Variants in SLC35F4 observed in about 807,000 individuals in gnomAD.
The protein encoded by SLC35F4 is chromosome 14 open reading frame 36.
SLC35F4 carries 24 observed loss-of-function variants against 44.2 expected under a neutral mutation model. That is an observed-to-expected ratio of 0.54 (90% CI 0.39 to 0.76). SLC35F4 has a LOEUF of 0.76. SLC35F4 is among the 30% of genes least tolerant of loss of function. The probability of loss-of-function intolerance (pLI) is 0.00; values close to 1 mark genes in which losing one functional copy is unlikely to be tolerated. For missense variants in SLC35F4, 562 were observed against 586.1 expected (o/e 0.96, Z 0.42); for synonymous variants, 238 against 223.6 (o/e 1.06, Z -0.57).
rs114880604 is a variant in SLC35F4 at position 57,771,695 on chromosome 14, G to A, written c.103+94028C>T. ...TGCAATCTCTGCCTTCTGGGCTTGA[G>A]TGATCCTCCCATCTTAGCCTCCTGA... On this transcript the variant is annotated intron_variant, in intron 1 of 7. Transcript: ENST00000556826. Among the ~76,000 whole-genome samples, 898 of 152,310 alleles carry A rather than the reference G, an allele frequency of 5.9e-3. 6 individuals carry two copies. The highest frequency in any genetic ancestry group is 0.02 in the African/African-American group (845 of 41,560).
At chr14:57,822,280 G>T (rs1883250909) in intron 1 of SLC35F4, among the ~76,000 whole-genome samples, 1 of 152,094 alleles carries the variant, frequency 6.6e-6, no homozygotes, top group African/African-American at 2.4e-5. Flanking sequence ...TGTGTTTCTT[G>T]GCACCTTTCC....
At chr14:57,835,688 T>A (rs1456284104) in intron 1 of SLC35F4, among the ~76,000 whole-genome samples, 1 of 152,210 alleles carries the variant, frequency 6.6e-6, no homozygotes, top group Admixed American at 6.5e-5. Flanking sequence ...TTTGGAGTCC[T>A]GGAGGACAGG....
intron 1 of SLC35F4, among the ~76,000 whole-genome samples, chr14:57,830,534 A>C (rs1453489939): frequency 6.6e-6 from 1 of 152,170 alleles, no homozygotes; most frequent in Non-Finnish European, 1.5e-5. Flanking sequence ...GAAAACCTGA[A>C]GTCTAGCATG....
chr14:57,735,848 A>G (rs1014636796), intron 1 of SLC35F4, among the ~76,000 whole-genome samples: 4 of 152,002 alleles, frequency 2.6e-5, no homozygotes, highest in Non-Finnish European at 4.4e-5. Flanking sequence ...CGGCCTCCCA[A>G]GTAGCTGAGA....
At chr14:57,723,224 C>T (rs1313423984) in intron 1 of SLC35F4, among the ~76,000 whole-genome samples, 1 of 131,228 alleles carries the variant, frequency 7.6e-6, no homozygotes, top group Non-Finnish European at 1.7e-5. Context: ...TTCCCCAGTG[C>T]CAGAATGCAT....
intron 1 of SLC35F4, among the ~76,000 whole-genome samples, chr14:57,620,288 G>A (rs890820000): frequency 2.0e-5 from 3 of 152,182 alleles, no homozygotes; most frequent in African/African-American, 4.8e-5. Context: ...GGCAGCCAGA[G>A]AGAAAGGTCG....
chr14:57,642,299 GA>G (rs113210979), intron 1 of SLC35F4, among the ~76,000 whole-genome samples: 3 of 147,936 alleles, frequency 2.0e-5, no homozygotes, highest in South Asian at 2.1e-4. Context: ...GAGCTAGTGA[GA>G]AAAAAAAAAT....
At chr14:57,893,100 T>C (rs1265293197) in intron 1 of SLC35F4, among the ~76,000 whole-genome samples, 2 of 152,160 alleles carry the variant, frequency 1.3e-5, no homozygotes, top group African/African-American at 2.4e-5. Context: ...CTTAGATCCC[T>C]GCCACCTGCT....
At chr14:57,694,050 A>C (rs1228530236) in intron 1 of SLC35F4, among the ~76,000 whole-genome samples, 1 of 152,204 alleles carries the variant, frequency 6.6e-6, no homozygotes, top group African/African-American at 2.4e-5. Context: ...TAGAAAAGTA[A>C]ACGAACTGAA....
chr14:57,977,790 A>G (rs941354684), intron 1 of SLC35F4, among the ~76,000 whole-genome samples: 1 of 152,146 alleles, frequency 6.6e-6, no homozygotes, highest in South Asian at 2.1e-4. Context: ...TAAATGCACT[A>G]CTTCTGCTCT....
chr14:57,805,010 A>G (rs139298697), intron 1 of SLC35F4, among the ~76,000 whole-genome samples: 1 of 152,350 alleles, frequency 6.6e-6, no homozygotes, highest in South Asian at 2.1e-4. Context: ...GCCAACAAAC[A>G]TATGAAAAAA....
intron 4 of SLC35F4, among the ~76,000 whole-genome samples, chr14:57,575,376 G>A (rs558818967): frequency 6.6e-6 from 1 of 152,318 alleles, no homozygotes; most frequent in African/African-American, 2.4e-5. Context: ...GGCTACTCGG[G>A]AGGTTGAGGC....
chr14:57,850,620 T>G (rs1263787024), intron 1 of SLC35F4, among the ~76,000 whole-genome samples: 1 of 152,218 alleles, frequency 6.6e-6, no homozygotes, highest in East Asian at 1.9e-4. Flanking sequence ...CATGATACTT[T>G]TTTTCATTTA....
intron 1 of SLC35F4, among the ~76,000 whole-genome samples, chr14:57,807,758 G>C (rs772397931): frequency 1.3e-5 from 2 of 151,610 alleles, no homozygotes; most frequent in African/African-American, 2.4e-5. Flanking sequence ...CTATTAAAAG[G>C]CTCATTTATT....
chr14:57,823,519 G>A (rs1883402818), intron 1 of SLC35F4, among the ~76,000 whole-genome samples: 1 of 152,208 alleles, frequency 6.6e-6, no homozygotes, highest in South Asian at 2.1e-4. Flanking sequence ...AAGCCCCTGA[G>A]GGGCCCTGCT....
intron 1 of SLC35F4, among the ~76,000 whole-genome samples, chr14:57,693,402 G>A (rs1324199378): frequency 2.0e-5 from 3 of 152,042 alleles, no homozygotes. Flanking sequence ...GAAGGTTGTG[G>A]GTTTACCGGA....
At chr14:57,722,577 T>C (rs1214279711) in intron 1 of SLC35F4, among the ~76,000 whole-genome samples, 1 of 152,186 alleles carries the variant, frequency 6.6e-6, no homozygotes, top group African/African-American at 2.4e-5. Flanking sequence ...ATGGGAGTAA[T>C]TGGATCCCAT....
Position 57,581,421 on chromosome 14 carries a change from C to G in SLC35F4, c.600G>C (p.Arg200=), listed in dbSNP as rs1207564794. Residue 200 remains arginine, a synonymous_variant, in exon 4 of 8, where the codon CGG becomes CGC. Transcript: ENST00000556826. ...SPMKKFRECS[R]IFGEDGLTLK... is the part of the protein sequence containing the mutation. ...GCGTCAGACCATCTTCACCAAAAAT[C>G]CGACTGCATTCCCTAGGAAAGAAAA... 8.1e-6 allele frequency: 13 copies of G among 1,609,992 alleles called. No individual in the cohort carries two copies. The highest frequency in any genetic ancestry group is 9.3e-6 in the Non-Finnish European group (11 of 1,178,044).
intron 2 of SLC35F4, among the ~76,000 whole-genome samples, chr14:57,590,376 GA>G (rs1337505052): frequency 6.6e-6 from 1 of 152,092 alleles, no homozygotes; most frequent in African/African-American, 2.4e-5. Context: ...CTGGGTGACA[GA>G]AGGAGACCCA....
Sources: gnomAD v4.1 joint callset for allele counts (sites outside exome capture counted in the v4.1 genomes callset) on GRCh38, gnomAD v4.1.1 for gene constraint, MANE v1.5 for transcripts, NCBI Gene and HGNC (gene_info 2026-07-23, HGNC 2026-07-21) for gene names.